Variants in KCNQ1 observed in about 807,000 individuals in gnomAD.
KCNQ1 encodes the protein potassium voltage-gated channel subfamily Q member 1.
A neutral mutation model predicts 72.4 loss-of-function variants in KCNQ1; 49 were observed. The observed-to-expected ratio is 0.68, with a 90% CI of 0.54 to 0.86. The LOEUF (loss-of-function observed/expected upper bound fraction) is 0.86. KCNQ1 is among the 40% of genes least tolerant of loss of function. KCNQ1 has a pLI of 0.00. For synonymous variants in KCNQ1, 450 were observed against 412.6 expected, an observed-to-expected ratio of 1.09 and a Z score of -1.10; for missense variants, 790 against 945.1, an observed-to-expected ratio of 0.84 and a Z score of 2.15.
chr11:2,572,699 A>G, intron 5 of KCNQ1, 147 bp from the exon 6 acceptor site: 9 of 1,000,256 alleles, frequency 9.0e-6, no homozygotes, highest in African/African-American at 1.6e-5. Flanking sequence ...GGAGTGGGCT[A>G]TATTGAAGCC....
In KCNQ1 at chr11:2,661,461, T is replaced by C; in HGVS notation, c.1394-500T>C. 2.3e-6 allele frequency: 1 copy of C among 434,900 alleles called. No individual in the cohort carries two copies. The highest frequency in any genetic ancestry group is 3.3e-5 in the East Asian group (1 of 30,220). The allele number at this position is 434,900 out of a possible 1,614,324, so 26.9% of individuals were successfully genotyped here. ...GTAGCATCGTGTTTTGAGGAAGGAGTTCTGTGGCTGCCCCCACCTCCCAGG... is the reference window on the plus strand; with the variant it reads ...GTAGCATCGTGTTTTGAGGAAGGAGCTCTGTGGCTGCCCCCACCTCCCAGG... On this transcript the variant is annotated intron_variant, in intron 10 of 15. Transcript: ENST00000155840. This position sits in a 1 kb window ranked among gnomAD's most constrained non-coding sequence, Gnocchi z 5.9.
intron 11 of KCNQ1, among the ~76,000 whole-genome samples, chr11:2,718,205 C>G (rs901589749): frequency 6.6e-6 from 1 of 152,216 alleles, no homozygotes; most frequent in Admixed American, 6.5e-5. Flanking sequence ...CTGCCTTCCT[C>G]TGCTCCGTCC....
rs1252019476 is a variant in KCNQ1, at chr11:2,748,623, G to A, written c.1515-20221G>A. Among the ~76,000 whole-genome samples, 1 of 152,234 alleles carries A rather than the reference G, an allele frequency of 6.6e-6. No individual in the cohort carries two copies. Among genetic ancestry groups the A allele is most frequent in the Non-Finnish European group, 1.5e-5 (1 of 68,034 alleles). On this transcript the variant is annotated intron_variant, in intron 11 of 15. Transcript: ENST00000155840. The surrounding 1 kb of genome is among the most constrained non-coding windows in gnomAD (Gnocchi z 6.2). ...AGCCCCAGCCAGCCTGGAATGTGGG[G>A]GCTCAGAGGCCACCCAGAGCCCACA... is the stretch of plus-strand genomic sequence containing the variant.
Position 2,781,067 on chromosome 11 carries a change from C to T in KCNQ1, c.1794+3030C>T, listed in dbSNP as rs551548715. On this transcript the variant is annotated intron_variant, in intron 15 of 15. Coordinates refer to ENST00000155840, the MANE Select transcript of KCNQ1 (RefSeq NM_000218.3). This position sits in a 1 kb window ranked among gnomAD's most constrained non-coding sequence, Gnocchi z 6.6. ...CTCCTCACAGCGAGTCTACTTCCTG[C>T]GGGCCTCCCTCCCCTGTCAAATGAG... Among the ~76,000 whole-genome samples, 9 of 152,260 alleles carry T rather than the reference C, an allele frequency of 5.9e-5. No homozygotes were observed. The highest frequency in any genetic ancestry group is 1.9e-4 in the African/African-American group (8 of 41,552).
chr11:2,733,261 C>CCT (rs1264601228), intron 11 of KCNQ1, among the ~76,000 whole-genome samples: 1 of 146,392 alleles, frequency 6.8e-6, no homozygotes, highest in Non-Finnish European at 1.5e-5. Flanking sequence ...TTTGTGTGTC[C>CCT]AGAGGGAAGG....
chr11:2,479,732 T>C lies in KCNQ1; in HGVS notation c.386+34248T>C, dbSNP rs1160932440. ...TAGTGATTAACATTTGGCTTCTTGT[T>C]ACTTATGCAAATTTCTGCAGGCTGC... On this transcript the variant is annotated intron_variant, in intron 1 of 15. Transcript: ENST00000155840. The surrounding 1 kb of genome is among the most constrained non-coding windows in gnomAD (Gnocchi z 4.6). Among the ~76,000 whole-genome samples the C allele has an allele frequency of 2.6e-5, 4 of 152,258 alleles. No individual in the cohort carries two copies. The highest frequency in any genetic ancestry group is 2.1e-4 in the South Asian group (1 of 4,838).
At position 2,508,249 on chromosome 11, in the gene KCNQ1, C is replaced by T. The variant is rs1029455812; in HGVS notation, c.387-19679C>T. On this transcript the variant is annotated intron_variant, in intron 1 of 15. Transcript: ENST00000155840. The surrounding 1 kb of genome is among the most constrained non-coding windows in gnomAD (Gnocchi z 6.2). ...CCAACCCATGGTGGTCACCAAGGGT[C>T]TTTGGGCTCCTGTGGGGACCATACT... Among the ~76,000 whole-genome samples, 4 of 152,208 alleles carry T rather than the reference C, an allele frequency of 2.6e-5. No homozygotes were observed. Among genetic ancestry groups the T allele is most frequent in the African/African-American group, 7.2e-5 (3 of 41,456 alleles).
intron 15 of KCNQ1, among the ~76,000 whole-genome samples, chr11:2,805,190 C>T (rs933241006): frequency 6.6e-6 from 1 of 152,138 alleles, no homozygotes; most frequent in African/African-American, 2.4e-5. Context: ...CTCTAGAAGA[C>T]GCAGGGGTGG....
chr11:2,542,032 C>T lies in KCNQ1; in HGVS notation c.477+14014C>T, dbSNP rs1167569467. Among the ~76,000 whole-genome samples the T allele has an allele frequency of 1.3e-4, 20 of 152,212 alleles. No individual in the cohort carries two copies. In the East Asian group the frequency reaches 3.7e-3, roughly 28 times the overall value. The stretch of plus-strand genomic sequence containing the variant: ...GTGCCTGCTGTGGCTCTCCATGGCC[C>T]TGGAGCCTGGGATTGCAGAAAGACT... On this transcript the variant is annotated intron_variant, in intron 2 of 15. Transcript: ENST00000155840.
Position 2,652,243 on chromosome 11 carries a change from T to C in KCNQ1, c.1394-9718T>C, listed in dbSNP as rs1849768828. ...TGCTGAGAATGAGGCCTGCAACTCATTTCCCCATTAAACATTCTGAGAACA... is the reference window on the plus strand; with the variant it reads ...TGCTGAGAATGAGGCCTGCAACTCACTTCCCCATTAAACATTCTGAGAACA... On this transcript the variant is annotated intron_variant, in intron 10 of 15. Coordinates refer to ENST00000155840, the MANE Select transcript of KCNQ1 (RefSeq NM_000218.3). This position sits in a 1 kb window ranked among gnomAD's most constrained non-coding sequence, Gnocchi z 5.9. 2 of 398,516 alleles carry C rather than the reference T, an allele frequency of 5.0e-6. No homozygotes were observed. The highest frequency in any genetic ancestry group is 3.6e-5 in the East Asian group (1 of 28,086). 24.7% of individuals were successfully genotyped at this position (398,516 alleles called of 1,614,324 possible). A position where few individuals can be genotyped will look rare whatever the true frequency, so the allele number is the denominator to read the frequency against.
intron 10 of KCNQ1, chr11:2,643,390 T>A: frequency 2.5e-6 from 1 of 398,428 alleles, no homozygotes; most frequent in Non-Finnish European, 4.4e-6. Flanking sequence ...GGTCAATTGA[T>A]CCCTCTGTCA....
In KCNQ1 at chr11:2,475,036, C is replaced by G. The variant is rs1191563603; in HGVS notation, c.386+29552C>G. Among the ~76,000 whole-genome samples the G allele has an allele frequency of 1.3e-5, 2 of 152,186 alleles. No homozygotes were observed. Among genetic ancestry groups the G allele is most frequent in the Admixed American group, 1.3e-4 (2 of 15,276 alleles). On this transcript the variant is annotated intron_variant, in intron 1 of 15. Coordinates refer to ENST00000155840, the MANE Select transcript of KCNQ1 (RefSeq NM_000218.3). This position sits in a 1 kb window ranked among gnomAD's most constrained non-coding sequence, Gnocchi z 5.8. ...CGTAACGTAAAATTGACCTTTTTAA[C>G]CCATGTTTCATGGTCTTCGGTTTAC...
Position 2,552,824 on chromosome 11 carries a change from C to T in KCNQ1, c.478-17804C>T, listed in dbSNP as rs117125593. Reference sequence around the variant, plus strand: ...GTTTTCCGATCCACGAACACTGTCTCGCTCCCCAGTGCCTCATGCACGTCT... The same window carrying T: ...GTTTTCCGATCCACGAACACTGTCTTGCTCCCCAGTGCCTCATGCACGTCT... On this transcript the variant is annotated intron_variant, in intron 2 of 15. Transcript: ENST00000155840. Among the ~76,000 whole-genome samples, 20 of 151,638 alleles carry T rather than the reference C, an allele frequency of 1.3e-4. No homozygotes were observed. The East Asian group carries it at 3.3e-3, about 25-fold the overall frequency.
Position 2,478,876 on chromosome 11 carries a change from T to C in KCNQ1, c.386+33392T>C, listed in dbSNP as rs570921025. On this transcript the variant is annotated intron_variant, in intron 1 of 15. Transcript: ENST00000155840. This position sits in a 1 kb window ranked among gnomAD's most constrained non-coding sequence, Gnocchi z 4.0. ...ATGAGCCTGTAAAATCAAAAGCAAG[T>C]TAGTTAATTCCTAGACACAATTAGG... Among the ~76,000 whole-genome samples the C allele has an allele frequency of 6.6e-6, 1 of 152,302 alleles. No homozygotes were observed. Among genetic ancestry groups the C allele is most frequent in the African/African-American group, 2.4e-5 (1 of 41,556 alleles).
chr11:2,768,930 TGCTGA>T lies in KCNQ1; in HGVS notation c.1590+14_1590+18del. 6.2e-7 allele frequency: 1 copy of T among 1,609,468 alleles called. No homozygotes were observed. Among genetic ancestry groups the T allele is most frequent in the Non-Finnish European group, 8.5e-7 (1 of 1,175,972 alleles). ...AAGAAGAAATTCCAGGTAAGCCCTG[TGCTGA>T]GCCTTCCTGCCCTCAGCCTGCCCCT... On this transcript the variant is annotated intron_variant, in intron 12 of 15. Coordinates refer to ENST00000155840, the MANE Select transcript of KCNQ1 (RefSeq NM_000218.3). This position sits in a 1 kb window ranked among gnomAD's most constrained non-coding sequence, Gnocchi z 6.7.
At position 2,463,147 on chromosome 11, in the gene KCNQ1, C is replaced by G. The variant is rs532108562; in HGVS notation, c.386+17663C>G. 6.6e-6 allele frequency among the ~76,000 whole-genome samples: 1 copy of G among 152,188 alleles called. No homozygotes were observed. On this transcript the variant is annotated intron_variant, in intron 1 of 15. Coordinates refer to ENST00000155840, the MANE Select transcript of KCNQ1 (RefSeq NM_000218.3). This position sits in a 1 kb window ranked among gnomAD's most constrained non-coding sequence, Gnocchi z 7.0. ...TCCAGGATTCCGGGTTGTGCTTGGTCAGAGTGGGGAACTGGACGCTCCGTC... is the reference window on the plus strand; with the variant it reads ...TCCAGGATTCCGGGTTGTGCTTGGTGAGAGTGGGGAACTGGACGCTCCGTC...
In KCNQ1 at chr11:2,654,530, G is replaced by A. The variant is rs1849807620; in HGVS notation, c.1394-7431G>A. 2.5e-6 allele frequency: 1 copy of A among 398,682 alleles called. No homozygotes were observed. The highest frequency in any genetic ancestry group is 4.4e-6 in the Non-Finnish European group (1 of 226,248). 24.7% of individuals were successfully genotyped at this position (398,682 alleles called of 1,614,324 possible). ...GAGCCCTGGAAAGCTTGTGGAAGAG[G>A]GCTTGGGTTACACCTGGGAGATTAG... is the stretch of plus-strand genomic sequence containing the variant. On this transcript the variant is annotated intron_variant, in intron 10 of 15. Transcript: ENST00000155840. This position sits in a 1 kb window ranked among gnomAD's most constrained non-coding sequence, Gnocchi z 6.4.
chr11:2,451,600 A>G lies in KCNQ1; in HGVS notation c.386+6116A>G, dbSNP rs1037929041. Among the ~76,000 whole-genome samples the G allele has an allele frequency of 1.3e-5, 2 of 152,124 alleles. No individual in the cohort carries two copies. Among genetic ancestry groups the G allele is most frequent in the African/African-American group, 2.4e-5 (1 of 41,414 alleles). On this transcript the variant is annotated intron_variant, in intron 1 of 15. Coordinates refer to ENST00000155840, the MANE Select transcript of KCNQ1 (RefSeq NM_000218.3). This position sits in a 1 kb window ranked among gnomAD's most constrained non-coding sequence, Gnocchi z 6.4. ...CTCCCAGGAGGGTCGTGGCTCCCTC[A>G]TCGGCACCGGACTCTCAGGATGAGC...
rs927212825 is a variant in KCNQ1, at chr11:2,746,671, G to A, written c.1515-22173G>A. 3.3e-5 allele frequency among the ~76,000 whole-genome samples: 5 copies of A among 152,230 alleles called. No individual in the cohort carries two copies. Among genetic ancestry groups the A allele is most frequent in the African/African-American group, 7.2e-5 (3 of 41,462 alleles). The stretch of plus-strand genomic sequence containing the variant: ...AATGCCCTTCTCATCGCCCTGTTCC[G>A]AGGGCCCATCCTGTCGGTGTGGCTC... On this transcript the variant is annotated intron_variant, in intron 11 of 15. Transcript: ENST00000155840. This position sits in a 1 kb window ranked among gnomAD's most constrained non-coding sequence, Gnocchi z 5.9.
Sources: allele counts gnomAD v4.1 joint callset (sites outside exome capture counted in the v4.1 genomes callset), GRCh38; gene constraint gnomAD v4.1.1; non-coding constraint Gnocchi (gnomAD v3.1); transcripts MANE v1.5; gene names NCBI Gene and HGNC (gene_info 2026-07-23, HGNC 2026-07-21).